Variants in TIAM2 observed in about 807,000 individuals in gnomAD.
TIAM2 encodes the protein rho guanine nucleotide exchange factor TIAM2.
TIAM2 carries 80 observed loss-of-function variants against 152.9 expected under a neutral mutation model. That is an observed-to-expected ratio of 0.52 (90% confidence interval 0.44 to 0.63). The LOEUF (loss-of-function observed/expected upper bound fraction) is 0.63, where lower values mean the gene tolerates loss of function less well. Among genes scored for constraint, TIAM2 ranks in the 30% least tolerant of loss-of-function variants. TIAM2 has a pLI of 0.00. For synonymous variants in TIAM2, 804 were observed against 838.0 expected, an observed-to-expected ratio of 0.96 and a Z score of 0.70; for missense variants, 1,965 against 2,120.1, an observed-to-expected ratio of 0.93 and a Z score of 1.44.
chr6:155,047,944 GTTAT>G (rs1240896205), intron 1 of TIAM2, among the ~76,000 whole-genome samples: 1 of 152,032 alleles, frequency 6.6e-6, no homozygotes, highest in Non-Finnish European at 1.5e-5. Context: ...CTCAGCAAGG[GTTAT>G]TTTATTTTAT....
At chr6:155,030,982 T>G (rs1261660459) in intron 1 of TIAM2, among the ~76,000 whole-genome samples, 2 of 152,208 alleles carry the variant, frequency 1.3e-5, no homozygotes, top group African/African-American at 4.8e-5. Flanking sequence ...GTTCATAGTT[T>G]TGGTGAAATA....
At chr6:155,056,787 CTTA>C (rs1272662451) in intron 1 of TIAM2, among the ~76,000 whole-genome samples, 1 of 151,700 alleles carries the variant, frequency 6.6e-6, no homozygotes, top group Non-Finnish European at 1.5e-5. Flanking sequence ...ATATTGATAC[CTTA>C]TTATTAACTA....
At position 155,129,730 on chromosome 6, in the gene TIAM2, G is replaced by C; in HGVS notation, c.507G>C (p.Leu169=). 1 of 1,614,030 alleles carries C rather than the reference G, an allele frequency of 6.2e-7. No individual in the cohort carries two copies. The highest frequency in any genetic ancestry group is 8.5e-7 in the Non-Finnish European group (1 of 1,180,028). The stretch of plus-strand genomic sequence containing the variant: ...TGCTCATCAAAACGCTGGGGAAGCT[G>C]GATGGGTGTTTAAGGGTCGAGTTCC... The part of the protein sequence containing the change: ...PRVLIKTLGK[L]DGCLRVEFHN... The change falls in exon 4 of 27, where the codon CTG becomes CTC. Residue 169 remains leucine (L), a synonymous_variant. Coordinates refer to ENST00000682666, the MANE Select transcript of TIAM2 (RefSeq NM_012454.4). This position sits in a 1 kb window ranked among gnomAD's most constrained non-coding sequence, Gnocchi z 4.8.
chr6:155,250,614 C>T, intron 21 of TIAM2: 1 of 1,535,954 alleles, frequency 6.5e-7, no homozygotes, highest in East Asian at 2.4e-5. Flanking sequence ...CTGGAAGAAC[C>T]ACGGACACTG....
chr6:155,049,190 A>G (rs947441811), intron 1 of TIAM2, among the ~76,000 whole-genome samples: 26 of 152,134 alleles, frequency 1.7e-4, no homozygotes, highest in East Asian at 1.9e-4. Flanking sequence ...CCAAATGCAC[A>G]TGCGGAAGTG....
rs1218813034 is a variant in TIAM2 at position 155,141,078 on chromosome 6, C to T, written c.1630+3466C>T. On this transcript the variant is annotated intron_variant, in intron 5 of 26. Transcript: ENST00000682666. ...GTGATGGGCCTGAGTTGTCACTGAG[C>T]ATTGCTAGATTTGTAGTCTTGGCTA... is the stretch of plus-strand genomic sequence containing the variant. 3.3e-5 allele frequency among the ~76,000 whole-genome samples: 5 copies of T among 152,162 alleles called. No individual in the cohort carries two copies. In the East Asian group the frequency reaches 9.6e-4, roughly 29 times the overall value.
At chr6:155,235,335 A>C (rs2882936) in intron 15 of TIAM2, among the ~76,000 whole-genome samples, 39,198 of 152,136 alleles carry the variant, frequency 0.26, 5,894 homozygotes, top group East Asian at 0.61. Flanking sequence ...CTTAGAATCG[A>C]GACTTGCCCA....
intron 1 of TIAM2, among the ~76,000 whole-genome samples, chr6:155,047,695 GAGAGAGAGAGCGA>G (rs1562300141): frequency 2.9e-3 from 220 of 76,128 alleles, no homozygotes; most frequent in East Asian, 0.019. Context: ...AGAGGAGAGA[GAGAGAGAGAGCGA>G]GAGAGAGAGA....
chr6:155,142,973 A>C (rs1779744724), intron 5 of TIAM2, among the ~76,000 whole-genome samples: 1 of 152,230 alleles, frequency 6.6e-6, no homozygotes, highest in African/African-American at 2.4e-5. Context: ...GAAAGACTGA[A>C]ATAGTTTTCA....
intron 14 of TIAM2, among the ~76,000 whole-genome samples, chr6:155,183,991 A>AT (rs1168975124): frequency 1.3e-5 from 2 of 151,898 alleles, no homozygotes; most frequent in Non-Finnish European, 2.9e-5. Context: ...ATTTATTTTT[A>AT]TTTTTATTTT....
At chr6:155,058,968 G>T (rs1396500952) in intron 1 of TIAM2, among the ~76,000 whole-genome samples, 3 of 152,300 alleles carry the variant, frequency 2.0e-5, no homozygotes, top group African/African-American at 4.8e-5. Context: ...AGAGGAGAAG[G>T]CATCTGCCCT....
chr6:155,061,355 A>G (rs904774436), intron 1 of TIAM2, among the ~76,000 whole-genome samples: 3 of 149,234 alleles, frequency 2.0e-5, no homozygotes, highest in Non-Finnish European at 4.4e-5. Flanking sequence ...ACACACATGT[A>G]TCTGTATTTT....
At chr6:155,122,307 G>C (rs1018463688) in intron 2 of TIAM2, among the ~76,000 whole-genome samples, 3 of 152,026 alleles carry the variant, frequency 2.0e-5, no homozygotes, top group Non-Finnish European at 4.4e-5. Context: ...GGACTGGGAG[G>C]GAATGCAGAA....
intron 16 of TIAM2, among the ~76,000 whole-genome samples, chr6:155,241,345 G>A (rs1308735075): frequency 2.0e-5 from 3 of 152,188 alleles, no homozygotes; most frequent in Admixed American, 2.0e-4. Flanking sequence ...GTTTCCTGGA[G>A]CTTTGGTACC....
rs150939994 is a variant in TIAM2 at position 155,043,969 on chromosome 6, G to C, written c.-208-46320G>C. Among the ~76,000 whole-genome samples, 733 of 152,202 alleles carry C rather than the reference G, an allele frequency of 4.8e-3. 3 individuals carry two copies. Among genetic ancestry groups the C allele is most frequent in the African/African-American group, 0.017 (698 of 41,520 alleles). ...TGCCACTGGGTACCTGAGGGCCATG[G>C]CATAGTTTTGAAGGATTGCAGAAAA... On this transcript the variant is annotated intron_variant, in intron 1 of 26. Coordinates refer to ENST00000682666, the MANE Select transcript of TIAM2 (RefSeq NM_012454.4).
intron 7 of TIAM2, among the ~76,000 whole-genome samples, chr6:155,163,930 T>C (rs1032315388): frequency 2.0e-5 from 3 of 151,312 alleles, no homozygotes; most frequent in African/African-American, 7.3e-5. Flanking sequence ...TTGGCTATCC[T>C]GATGAAATGA....
At chr6:155,119,358 TTGAG>T (rs1779098452) in intron 2 of TIAM2, among the ~76,000 whole-genome samples, 1 of 151,568 alleles carries the variant, frequency 6.6e-6, no homozygotes, top group African/African-American at 2.4e-5. Context: ...TCTTTTTTTT[TTGAG>T]TGAGAATCTC....
At chr6:155,132,129 G>A (rs893079242) in intron 4 of TIAM2, among the ~76,000 whole-genome samples, 1 of 150,598 alleles carries the variant, frequency 6.6e-6, no homozygotes. Context: ...GTTTGTTGTT[G>A]TTTTGTTATT....
chr6:155,104,654 G>A (rs956968518), intron 2 of TIAM2, among the ~76,000 whole-genome samples: 4 of 151,986 alleles, frequency 2.6e-5, no homozygotes, highest in African/African-American at 9.7e-5. Context: ...CTACTAGGGA[G>A]GCTGAGGCAG....
Sources: gnomAD v4.1 joint callset for allele counts (sites outside exome capture counted in the v4.1 genomes callset) on GRCh38, gnomAD v4.1.1 for gene constraint, Gnocchi (gnomAD v3.1) non-coding constraint, MANE v1.5 for transcripts, NCBI Gene and HGNC (gene_info 2026-07-23, HGNC 2026-07-21) for gene names.